HS3ST4: variants seen among roughly 807,000 people sequenced by gnomAD.
HS3ST4 encodes heparan sulfate glucosamine 3-O-sulfotransferase 4.
Under a neutral mutation model 29.2 loss-of-function variants are expected in HS3ST4, and 17 were observed. That is an observed-to-expected ratio of 0.58 (90% confidence interval 0.40 to 0.87). The LOEUF (loss-of-function observed/expected upper bound fraction) is 0.87, where lower values mean the gene tolerates loss of function less well. HS3ST4 is among the 40% of genes least tolerant of loss of function. The probability of loss-of-function intolerance (pLI) is 0.00; values close to 1 mark genes in which losing one functional copy is unlikely to be tolerated. For missense variants in HS3ST4, 627 were observed against 634.5 expected (o/e 0.99, Z 0.13); for synonymous variants, 314 against 285.7 (o/e 1.10, Z -1.00).
Position 25,692,636 on chromosome 16 carries a change from C to A in HS3ST4, c.219C>A (p.Ala73=). The A allele has an allele frequency of 7.4e-7, 1 of 1,359,804 alleles. No homozygotes were observed. The highest frequency in any genetic ancestry group is 1.5e-5 in the African/African-American group (1 of 66,184). The allele number at this position is 1,359,804 out of a possible 1,614,324, so 84.2% of individuals were successfully genotyped here. Residue 73 remains alanine, a synonymous_variant, in exon 1 of 2, where the codon GCC becomes GCA. Transcript: ENST00000331351. ...TGCAGGAGTCGCCGGGCGCCGCCGC[C>A]GAGCCCCCGCCGAGCCCGCCGCCAC... is the stretch of plus-strand genomic sequence containing the variant. ...LALQESPGAA[A]EPPPSPPPPS... is the part of the protein sequence containing the mutation.
chr16:25,799,979 A>G (rs1189829931), intron 1 of HS3ST4, among the ~76,000 whole-genome samples: 2 of 151,998 alleles, frequency 1.3e-5, no homozygotes, highest in Non-Finnish European at 2.9e-5. Flanking sequence ...CTGGAATTCC[A>G]TGTGTGCACC....
chr16:25,777,606 A>G (rs1484676880), intron 1 of HS3ST4, among the ~76,000 whole-genome samples: 1 of 152,144 alleles, frequency 6.6e-6, no homozygotes, highest in Non-Finnish European at 1.5e-5. Context: ...CATCTCTACT[A>G]AAAATACAAA....
chr16:26,117,500 T>C (rs2141807500), intron 1 of HS3ST4, among the ~76,000 whole-genome samples: 1 of 152,354 alleles, frequency 6.6e-6, no homozygotes, highest in Non-Finnish European at 1.5e-5. Flanking sequence ...TCCCAGAGAC[T>C]GGAGACAGGC....
intron 1 of HS3ST4, among the ~76,000 whole-genome samples, chr16:26,093,986 A>T (rs1898890820): frequency 6.6e-6 from 1 of 152,206 alleles, no homozygotes; most frequent in Non-Finnish European, 1.5e-5. Context: ...TCAATAGCTG[A>T]CTTGATCAAG....
intron 1 of HS3ST4, among the ~76,000 whole-genome samples, chr16:25,954,649 A>C (rs1968711319): frequency 6.6e-6 from 1 of 152,230 alleles, no homozygotes; most frequent in Non-Finnish European, 1.5e-5. Context: ...AAAATTAAGC[A>C]TCCCAAATCC....
At chr16:25,735,285 A>T (rs1009336140) in intron 1 of HS3ST4, among the ~76,000 whole-genome samples, 1 of 152,220 alleles carries the variant, frequency 6.6e-6, no homozygotes, top group African/African-American at 2.4e-5. Flanking sequence ...ATCATCCAGA[A>T]GCTTCAGGCA....
chr16:26,077,146 C>T (rs1263248908), intron 1 of HS3ST4, among the ~76,000 whole-genome samples: 1 of 152,248 alleles, frequency 6.6e-6, no homozygotes, highest in Admixed American at 6.5e-5. Flanking sequence ...TGGCTGTTCA[C>T]TGGGCCACCT....
At chr16:25,830,375 T>C (rs1256924535) in intron 1 of HS3ST4, among the ~76,000 whole-genome samples, 1 of 152,210 alleles carries the variant, frequency 6.6e-6, no homozygotes, top group Admixed American at 6.5e-5. Context: ...GATTTCTTGT[T>C]TGAAGAATCA....
chr16:25,829,300 A>G (rs1355051806), intron 1 of HS3ST4, among the ~76,000 whole-genome samples: 2 of 152,234 alleles, frequency 1.3e-5, no homozygotes, highest in African/African-American at 4.8e-5. Flanking sequence ...GAGAAAAGAC[A>G]TTTTGCCCTA....
chr16:26,087,079 A>G (rs1210293979), intron 1 of HS3ST4, among the ~76,000 whole-genome samples: 1 of 152,178 alleles, frequency 6.6e-6, no homozygotes, highest in Non-Finnish European at 1.5e-5. Flanking sequence ...TTCTTCAAAC[A>G]TGTTTGGGGT....
intron 1 of HS3ST4, among the ~76,000 whole-genome samples, chr16:25,953,735 G>A (rs1968702514): frequency 6.6e-6 from 1 of 152,172 alleles, no homozygotes; most frequent in African/African-American, 2.4e-5. Flanking sequence ...GGTAAGGTCA[G>A]GAGTGAGAAA....
intron 1 of HS3ST4, among the ~76,000 whole-genome samples, chr16:25,703,798 C>T (rs771932666): frequency 1.3e-5 from 2 of 152,144 alleles, no homozygotes; most frequent in Non-Finnish European, 1.5e-5. Flanking sequence ...TCCCTAGATC[C>T]CTAAACTACT....
intron 1 of HS3ST4, among the ~76,000 whole-genome samples, chr16:25,954,319 A>G (rs1567280378): frequency 1.3e-5 from 2 of 152,300 alleles, no homozygotes; most frequent in East Asian, 1.9e-4. Context: ...AACTAGCTTG[A>G]ATCTGCTTAC....
intron 1 of HS3ST4, among the ~76,000 whole-genome samples, chr16:25,913,905 T>G (rs1332162911): frequency 6.9e-6 from 1 of 145,238 alleles, no homozygotes; most frequent in Non-Finnish European, 1.5e-5. Context: ...GGAGTGTATG[T>G]GTGTGCATAT....
At chr16:25,867,718 C>A (rs560776290) in intron 1 of HS3ST4, among the ~76,000 whole-genome samples, 1 of 151,924 alleles carries the variant, frequency 6.6e-6, no homozygotes, top group East Asian at 1.9e-4. Flanking sequence ...ATTGGGTGCT[C>A]AAAAAATGAT....
chr16:25,823,483 A>G (rs535525553), intron 1 of HS3ST4, among the ~76,000 whole-genome samples: 10 of 152,342 alleles, frequency 6.6e-5, no homozygotes, highest in East Asian at 3.9e-4. Context: ...TTTTCCTTTC[A>G]TCATTTAGGA....
intron 1 of HS3ST4, among the ~76,000 whole-genome samples, chr16:25,970,797 T>C (rs56258149): frequency 0.088 from 13,361 of 152,222 alleles, 771 homozygotes; most frequent in Non-Finnish European, 0.12. Context: ...CATTTATTCA[T>C]TCATTCATTC....
intron 1 of HS3ST4, among the ~76,000 whole-genome samples, chr16:26,051,458 T>G (rs1489880757): frequency 6.6e-6 from 1 of 152,030 alleles, no homozygotes; most frequent in African/African-American, 2.4e-5. Context: ...ACAAATTGTC[T>G]CTTTTAATCT....
intron 1 of HS3ST4, among the ~76,000 whole-genome samples, chr16:26,031,357 C>T (rs1969529238): frequency 6.6e-6 from 1 of 152,224 alleles, no homozygotes; most frequent in Admixed American, 6.5e-5. Flanking sequence ...AGCTCACCCT[C>T]CTGTGGGCCG....
Sources: allele counts gnomAD v4.1 joint callset (sites outside exome capture counted in the v4.1 genomes callset), GRCh38; gene constraint gnomAD v4.1.1; transcripts MANE v1.5; gene names NCBI Gene and HGNC (gene_info 2026-07-23, HGNC 2026-07-21).